MMEL1: variants seen among roughly 807,000 people sequenced by gnomAD.
MMEL1 encodes membrane metalloendopeptidase like 1, also known as membrane metallo-endopeptidase-like 1.
MMEL1 carries 98 observed loss-of-function variants against 117.1 expected under a neutral mutation model. That is an observed-to-expected ratio of 0.84 (90% confidence interval 0.71 to 0.99). MMEL1 has a LOEUF of 0.99. MMEL1 is among the 50% of genes least tolerant of loss of function. The pLI is 0.00. For synonymous variants in MMEL1, 390 were observed against 415.1 expected, an observed-to-expected ratio of 0.94 and a Z score of 0.74; for missense variants, 1,014 against 1,049.1, an observed-to-expected ratio of 0.97 and a Z score of 0.46.
chr1:2,616,907 A>G (rs888213154), intron 2 of MMEL1, among the ~76,000 whole-genome samples: 1 of 152,244 alleles, frequency 6.6e-6, no homozygotes, highest in Non-Finnish European at 1.5e-5. Context: ...CCCCAAGGAA[A>G]TTCACCAGAT....
At chr1:2,627,292 C>T (rs561102237) in intron 2 of MMEL1, among the ~76,000 whole-genome samples, 2 of 152,318 alleles carry the variant, frequency 1.3e-5, no homozygotes, top group African/African-American at 4.8e-5. Context: ...TTTGATGTAA[C>T]TACAAGAACG....
chr1:2,594,659 G>A (rs2100928817), intron 17 of MMEL1, 131 bp downstream of exon 17: 1 of 916,016 alleles, frequency 1.1e-6, no homozygotes, highest in Admixed American at 2.2e-5. Context: ...GATAGGCCCA[G>A]TGACTGCACC....
At chr1:2,602,353 C>G (rs149835475) in intron 11 of MMEL1, among the ~76,000 whole-genome samples, 1 of 152,252 alleles carries the variant, frequency 6.6e-6, no homozygotes, top group Admixed American at 6.5e-5. Context: ...AACCAAATGT[C>G]CCCAAACCCT....
At position 2,591,106 on chromosome 1, in the gene MMEL1, G is replaced by A. The variant is rs367652082; in HGVS notation, c.2241-17C>T. The A allele has an allele frequency of 5.9e-5, 91 of 1,534,014 alleles. No individual in the cohort carries two copies. Among genetic ancestry groups the A allele is most frequent in the Non-Finnish European group, 2.4e-5 (27 of 1,137,124 alleles). On this transcript the variant is annotated splice_polypyrimidine_tract_variant and intron_variant, in intron 23 of 23. Transcript: ENST00000378412. ...CCCAGTACCCTGTGGGTGGGTGGGT[G>A]TGACAGCAGGAGCATTGCCATCTTG...
At position 2,629,510 on chromosome 1, in the gene MMEL1, C is replaced by G. The variant is rs1441740085; in HGVS notation, c.-26G>C. On this transcript the variant is annotated 5_prime_UTR_variant, in exon 2 of 24. Coordinates refer to ENST00000378412, the MANE Select transcript of MMEL1 (RefSeq NM_033467.4). Reference sequence around the variant, plus strand: ...CAGCAGGGCTCTGGACGGGAGAGCACCGCGGAGGAACCTGCAGGCCCAGGG... The same window carrying G: ...CAGCAGGGCTCTGGACGGGAGAGCAGCGCGGAGGAACCTGCAGGCCCAGGG... The G allele has an allele frequency of 2.1e-6, 3 of 1,446,524 alleles. No homozygotes were observed. Among genetic ancestry groups the G allele is most frequent in the Non-Finnish European group, 2.7e-6 (3 of 1,097,254 alleles). The allele number at this position is 1,446,524 out of a possible 1,614,324, so 89.6% of individuals were successfully genotyped here.
chr1:2,604,792 A>G (rs1290462487), intron 9 of MMEL1, among the ~76,000 whole-genome samples: 1 of 152,140 alleles, frequency 6.6e-6, no homozygotes, highest in Non-Finnish European at 1.5e-5. Flanking sequence ...GTGCAGGCCA[A>G]TGCTCTGGCC....
intron 2 of MMEL1, among the ~76,000 whole-genome samples, chr1:2,624,525 A>G (rs1219054900): frequency 6.6e-6 from 1 of 152,372 alleles, no homozygotes; most frequent in Non-Finnish European, 1.5e-5. Flanking sequence ...GGTGCAATGT[A>G]TTATTATGTA....
Position 2,609,691 on chromosome 1 carries a change from C to A in MMEL1, c.433G>T (p.Glu145Ter). 6.2e-7 allele frequency: 1 copy of A among 1,611,752 alleles called. No individual in the cohort carries two copies. The highest frequency in any genetic ancestry group is 1.1e-5 in the South Asian group (1 of 90,742). ...RYSIFDVLRD[E>*]LEVILKAVLE... ...CCACCTTTGAGGATGACCTCCAGCT[C>A]GTCGCGGAGGACGTCAAAGATGCTG... Residue 145 changes from glutamate (E) to a stop codon, truncating the protein, a stop_gained, in exon 5 of 24, where the codon GAG (glutamate) becomes TAG (stop). Transcript: ENST00000378412. LOFTEE classifies it high-confidence loss of function.
intron 5 of MMEL1, 23 bp downstream of exon 5, chr1:2,609,647 C>A: frequency 6.3e-7 from 1 of 1,593,918 alleles, no homozygotes; most frequent in South Asian, 1.1e-5. Context: ...CACCCCACTG[C>A]ACCCCCGGCC....
chr1:2,605,532 T>C (rs1308899599), intron 9 of MMEL1, 26 bp downstream of exon 9: 3 of 1,601,092 alleles, frequency 1.9e-6, no homozygotes, highest in Non-Finnish European at 2.6e-6. Context: ...GGGGGTCATC[T>C]GGCATTGCGG....
chr1:2,598,495 A>G (rs1296339851), intron 12 of MMEL1, among the ~76,000 whole-genome samples, 159 bp downstream of exon 12: 1 of 152,210 alleles, frequency 6.6e-6, no homozygotes, highest in Non-Finnish European at 1.5e-5. Flanking sequence ...TTTTTAATGT[A>G]AGACTCCACT....
chr1:2,616,589 A>G (rs4379628), intron 2 of MMEL1, among the ~76,000 whole-genome samples: 151,704 of 152,330 alleles, frequency 1, 75,544 homozygotes, highest in East Asian at 1. Flanking sequence ...TGTCTCTACC[A>G]GATGTGCCCC....
chr1:2,594,752 G>GC (rs138915841), intron 17 of MMEL1, 38 bp downstream of exon 17: 530 of 1,547,214 alleles, frequency 3.4e-4, no homozygotes, highest in South Asian at 4.0e-4. Flanking sequence ...CCACTCCCTG[G>GC]CCCCCCCCGC....
intron 3 of MMEL1, 162 bp from the exon 4 acceptor site, chr1:2,611,502 A>G (rs1645128394): frequency 6.0e-6 from 3 of 501,178 alleles, no homozygotes; most frequent in African/African-American, 2.0e-5. Flanking sequence ...GGCTGAAGCC[A>G]GTAGGGCAAG....
intron 19 of MMEL1, among the ~76,000 whole-genome samples, chr1:2,593,235 TCTTGGAGG>T (rs1340997600): frequency 1.3e-5 from 2 of 152,148 alleles, no homozygotes; most frequent in African/African-American, 4.8e-5. Context: ...GGTCCTGTGG[TCTTGGAGG>T]CATCATGGTT....
chr1:2,605,880 C>T (rs1046511124), intron 8 of MMEL1, among the ~76,000 whole-genome samples: 26 of 152,228 alleles, frequency 1.7e-4, no homozygotes, highest in Admixed American at 7.8e-4. Flanking sequence ...TCGCAGCACC[C>T]GCGGCTCCCC....
At position 2,612,198 on chromosome 1, in the gene MMEL1, T is replaced by C; in HGVS notation, c.161A>G (p.Gln54Arg). The C allele has an allele frequency of 6.4e-7, 1 of 1,569,774 alleles. No homozygotes were observed. Among genetic ancestry groups the C allele is most frequent in the Non-Finnish European group, 8.6e-7 (1 of 1,156,306 alleles). Residue 54 changes from glutamine to arginine, a missense_variant, in exon 3 of 24, where the codon CAG becomes CGG. Gln to Arg is a conservative substitution (Grantham distance 43). Transcript: ENST00000378412. The surrounding 1 kb of genome is among the most constrained non-coding windows in gnomAD (Gnocchi z 5.4). ...GVLYADRRGK[Q>R]LPRLASRLCF... ...CAGCCGGCTAGCAAGGCGTGGCAGCTGCTTCCCTGGGGAGAAACACAGCGC... is the reference window on the plus strand; with the variant it reads ...CAGCCGGCTAGCAAGGCGTGGCAGCCGCTTCCCTGGGGAGAAACACAGCGC...
At chr1:2,609,640 C>G in intron 5 of MMEL1, 30 bp downstream of exon 5, 1 of 1,590,754 alleles carries the variant, frequency 6.3e-7, no homozygotes, top group Non-Finnish European at 8.6e-7. Flanking sequence ...TCGGCGTCAC[C>G]CCACTGCACC....
Position 2,612,116 on chromosome 1 carries a change from G to A in MMEL1, c.232+11C>T, listed in dbSNP as rs1645139402. 1.3e-6 allele frequency: 2 copies of A among 1,571,054 alleles called. No individual in the cohort carries two copies. Among genetic ancestry groups the A allele is most frequent in the Non-Finnish European group, 1.7e-6 (2 of 1,156,560 alleles). ...GCCTGGGGCTGTTTTGGAAGGGAAG[G>A]CAAAGGCTACCTCGGGGTTTTCGTT... On this transcript the variant is annotated intron_variant, in intron 3 of 23. Transcript: ENST00000378412. This position sits in a 1 kb window ranked among gnomAD's most constrained non-coding sequence, Gnocchi z 5.4.
Sources: gnomAD v4.1 joint callset for allele counts (sites outside exome capture counted in the v4.1 genomes callset) on GRCh38, gnomAD v4.1.1 for gene constraint, Gnocchi (gnomAD v3.1) non-coding constraint, MANE v1.5 for transcripts, NCBI Gene and HGNC (gene_info 2026-07-23, HGNC 2026-07-21) for gene names.